Variants in DLGAP2 observed in about 807,000 individuals in gnomAD.
DLGAP2 encodes the protein disks large-associated protein 2.
DLGAP2 carries 26 observed loss-of-function variants against 100.3 expected under a neutral mutation model. The observed-to-expected ratio is 0.26, with a 90% confidence interval of 0.19 to 0.36. DLGAP2 has a LOEUF of 0.36. DLGAP2 is among the 10% of genes least tolerant of loss of function. The probability of loss-of-function intolerance (pLI) is 1.00; values close to 1 mark genes in which losing one functional copy is unlikely to be tolerated. For missense variants in DLGAP2, 1,858 were observed against 1,453.2 expected (o/e 1.28, Z -4.53); for synonymous variants, 886 against 630.1 (o/e 1.41, Z -6.08).
intron 1 of DLGAP2, among the ~76,000 whole-genome samples, chr8:875,530 G>T (rs772167594): frequency 5.9e-5 from 9 of 152,188 alleles, no homozygotes; most frequent in Non-Finnish European, 1.2e-4. Flanking sequence ...GCCATGTGAA[G>T]AAGGATGTGT....
chr8:998,165 T>C (rs1800840918), intron 2 of DLGAP2, among the ~76,000 whole-genome samples: 1 of 152,084 alleles, frequency 6.6e-6, no homozygotes, highest in Admixed American at 6.5e-5. Flanking sequence ...CATACACACA[T>C]GTATACACAC....
chr8:1,500,993 C>G (rs149314809), intron 3 of DLGAP2, among the ~76,000 whole-genome samples: 8 of 152,290 alleles, frequency 5.3e-5, no homozygotes, highest in African/African-American at 1.9e-4. Flanking sequence ...GGGACTCACC[C>G]AGCTGGAAGG....
intron 2 of DLGAP2, among the ~76,000 whole-genome samples, chr8:972,616 C>CTTAT (rs112414168): frequency 0.029 from 4,426 of 150,174 alleles, 93 homozygotes; most frequent in Non-Finnish European, 0.04. Flanking sequence ...GTATTTTTTT[C>CTTAT]TTATTTATTT....
At chr8:1,258,947 C>T (rs1369273476) in intron 3 of DLGAP2, 64 bp downstream of exon 3, 3 of 1,195,670 alleles carry the variant, frequency 2.5e-6, no homozygotes, top group Non-Finnish European at 3.1e-6. Context: ...GTGTGGCTGG[C>T]AACAGTCTAC....
chr8:1,022,498 T>C (rs1801655447), intron 2 of DLGAP2, among the ~76,000 whole-genome samples: 1 of 146,238 alleles, frequency 6.8e-6, no homozygotes, highest in East Asian at 2.0e-4. Flanking sequence ...GATTGGACGG[T>C]CCCATGCCGA....
At chr8:1,275,063 GCTCCAGCC>G (rs1415171824) in intron 3 of DLGAP2, among the ~76,000 whole-genome samples, 1 of 152,108 alleles carries the variant, frequency 6.6e-6, no homozygotes, top group African/African-American at 2.4e-5. Flanking sequence ...ATTGGTGAAG[GCTCCAGCC>G]CAGGCAGAGA....
At chr8:1,364,870 G>C (rs1802073744) in intron 3 of DLGAP2, among the ~76,000 whole-genome samples, 1 of 152,200 alleles carries the variant, frequency 6.6e-6, no homozygotes, top group Non-Finnish European at 1.5e-5. Context: ...TTCCAGAGGA[G>C]GAGCAAATTC....
chr8:1,626,638 G>C (rs544102255), intron 6 of DLGAP2, 102 bp from the exon 7 acceptor site: 22 of 1,418,376 alleles, frequency 1.6e-5, no homozygotes, highest in Middle Eastern at 1.8e-4. Context: ...TCTGCCCTGT[G>C]GTGGGTGCTC....
intron 11 of DLGAP2, among the ~76,000 whole-genome samples, chr8:1,677,425 C>T (rs1798835944): frequency 1.3e-5 from 2 of 152,194 alleles, no homozygotes; most frequent in Non-Finnish European, 2.9e-5. Context: ...GTGGCAACGT[C>T]ACTAACCAGC....
At chr8:1,500,293 G>A (rs1799676753) in intron 3 of DLGAP2, among the ~76,000 whole-genome samples, 1 of 152,336 alleles carries the variant, frequency 6.6e-6, no homozygotes, top group East Asian at 1.9e-4. Flanking sequence ...GAGCCTCCCT[G>A]AGATCCAGCT....
chr8:1,475,725 C>G (rs945637588), intron 3 of DLGAP2, among the ~76,000 whole-genome samples: 2 of 152,120 alleles, frequency 1.3e-5, no homozygotes, highest in Non-Finnish European at 2.9e-5. Context: ...TGGCACCTGC[C>G]GGCTTGGGGA....
At chr8:865,666 A>G (rs1395036735) in intron 1 of DLGAP2, among the ~76,000 whole-genome samples, 1 of 152,158 alleles carries the variant, frequency 6.6e-6, no homozygotes, top group Non-Finnish European at 1.5e-5. Context: ...TCCGGTTTTA[A>G]GGTTGTGGGA....
chr8:1,671,601 G>C (rs1251014345), intron 10 of DLGAP2, among the ~76,000 whole-genome samples: 1 of 152,162 alleles, frequency 6.6e-6, no homozygotes, highest in Non-Finnish European at 1.5e-5. Flanking sequence ...TTACTATCAG[G>C]GTTTGAATTC....
intron 2 of DLGAP2, among the ~76,000 whole-genome samples, chr8:1,241,458 G>A (rs914323279): frequency 1.2e-4 from 18 of 152,138 alleles, no homozygotes; most frequent in African/African-American, 1.7e-4. Flanking sequence ...ACACCCTGAC[G>A]CGTTATTTAT....
rs563752933 is a variant in DLGAP2 at position 1,139,662 on chromosome 8, C to T, written c.74-119189C>T. 1.1e-3 allele frequency among the ~76,000 whole-genome samples: 162 copies of T among 152,268 alleles called. 1 individual carries two copies. The highest frequency in any genetic ancestry group is 2.9e-3 in the African/African-American group (120 of 41,554). ...CTAATTAACATGAAGCCCAGGGAGACACTTTATCAAGGGAACAGTAAGGCC... is the reference window on the plus strand; with the variant it reads ...CTAATTAACATGAAGCCCAGGGAGATACTTTATCAAGGGAACAGTAAGGCC... On this transcript the variant is annotated intron_variant, in intron 2 of 14. Coordinates refer to ENST00000637795, the MANE Select transcript of DLGAP2 (RefSeq NM_001346810.2).
rs923283461 is a variant in DLGAP2, at chr8:1,667,579, G to A, written c.1811-750G>A. Reference sequence around the variant, plus strand: ...TCCGTTACAGAAACAGTAGCTATTCGTTATAATGATTTTTAGAAAAACACA... The same window carrying A: ...TCCGTTACAGAAACAGTAGCTATTCATTATAATGATTTTTAGAAAAACACA... On this transcript the variant is annotated intron_variant, in intron 8 of 14. Coordinates refer to ENST00000637795, the MANE Select transcript of DLGAP2 (RefSeq NM_001346810.2). Among the ~76,000 whole-genome samples the A allele has an allele frequency of 2.6e-5, 4 of 152,288 alleles. 1 individual carries two copies. The highest frequency in any genetic ancestry group is 4.1e-4 in the South Asian group (2 of 4,822).
chr8:1,345,469 C>G (rs917246874), intron 3 of DLGAP2, among the ~76,000 whole-genome samples: 19 of 152,254 alleles, frequency 1.2e-4, no homozygotes, highest in Admixed American at 4.6e-4. Flanking sequence ...ATTTCACTCT[C>G]TCTCCCTTTG....
At chr8:983,490 A>G (rs1474452165) in intron 2 of DLGAP2, among the ~76,000 whole-genome samples, 1 of 151,858 alleles carries the variant, frequency 6.6e-6, no homozygotes, top group African/African-American at 2.4e-5. Flanking sequence ...GTTGGTGGAA[A>G]GTACAGGTCC....
rs796393308 is a variant in DLGAP2 at position 1,464,274 on chromosome 8, C to T, written c.107-37092C>T. 1.4e-3 allele frequency among the ~76,000 whole-genome samples: 144 copies of T among 104,416 alleles called. 59 individuals carry two copies. Among genetic ancestry groups the T allele is most frequent in the East Asian group, 4.4e-3 (15 of 3,390 alleles). 68.5% of individuals were successfully genotyped at this position (104,416 alleles called of 152,430 possible). On this transcript the variant is annotated intron_variant, in intron 3 of 14. Transcript: ENST00000637795. The stretch of plus-strand genomic sequence containing the variant: ...GACGGCTCCCTTCCAGGACGGCACC[C>T]TTCCAGGACAACGCCCTTCCAGGAT...
Sources: gnomAD v4.1 joint callset for allele counts (sites outside exome capture counted in the v4.1 genomes callset) on GRCh38, gnomAD v4.1.1 for gene constraint, MANE v1.5 for transcripts, NCBI Gene and HGNC (gene_info 2026-07-23, HGNC 2026-07-21) for gene names.